HIVEP2: variants seen among roughly 807,000 people sequenced by gnomAD.
HIVEP2 encodes transcription factor HIVEP2.
HIVEP2 carries 14 observed loss-of-function variants against 180.7 expected under a neutral mutation model. The ratio of observed to expected loss-of-function variants is 0.08; its 90% CI spans 0.05 to 0.12. The LOEUF is 0.12. HIVEP2 is among the 10% of genes least tolerant of loss of function. The pLI, the probability that HIVEP2 is intolerant of heterozygous loss-of-function variation, is 1.00. For synonymous variants in HIVEP2, 1,184 were observed against 1,136.4 expected, an observed-to-expected ratio of 1.04 and a Z score of -0.84; for missense variants, 2,579 against 3,008.5, an observed-to-expected ratio of 0.86 and a Z score of 3.34.
At chr6:142,793,663 CTT>C (rs1554279279) in intron 2 of HIVEP2, among the ~76,000 whole-genome samples, 3 of 109,474 alleles carry the variant, frequency 2.7e-5, no homozygotes, top group Admixed American at 1.1e-4. Context: ...TTTCTTTTTT[CTT>C]TCTTTCTTTC....
intron 1 of HIVEP2, among the ~76,000 whole-genome samples, chr6:142,918,151 T>C (rs1051505744): frequency 1.3e-5 from 2 of 152,160 alleles, no homozygotes; most frequent in African/African-American, 4.8e-5. Context: ...TCAATACCTT[T>C]TTCCTTAAAC....
chr6:142,883,510 A>G (rs770817453), intron 1 of HIVEP2, among the ~76,000 whole-genome samples: 50 of 152,278 alleles, frequency 3.3e-4, no homozygotes, highest in Admixed American at 7.2e-4. Context: ...TAACCCTCCT[A>G]CATGTTTACT....
At chr6:142,934,028 A>G (rs1197734771) in intron 1 of HIVEP2, among the ~76,000 whole-genome samples, 3 of 152,242 alleles carry the variant, frequency 2.0e-5, no homozygotes. Context: ...AGATATTATA[A>G]CAAGCTGTGG....
intron 1 of HIVEP2, among the ~76,000 whole-genome samples, chr6:142,938,148 A>T (rs1245294456): frequency 6.6e-6 from 1 of 152,210 alleles, no homozygotes; most frequent in Admixed American, 6.5e-5. Context: ...AAGAGCTTCG[A>T]TGACTTGTTT....
chr6:142,814,740 T>C (rs1404199576), intron 2 of HIVEP2, among the ~76,000 whole-genome samples: 5 of 152,092 alleles, frequency 3.3e-5, no homozygotes, highest in Non-Finnish European at 5.9e-5. Context: ...GGGCTATTTA[T>C]GCAGAGATAT....
At position 142,922,172 on chromosome 6, in the gene HIVEP2, C is replaced by T. The variant is rs114367476; in HGVS notation, c.-641+22927G>A. ...ACTAAGCTCTTTAAAATTCCCCAAA[C>T]TCGCTATGCATTCTCAAACTCTCAC... On this transcript the variant is annotated intron_variant, in intron 1 of 9. Coordinates refer to ENST00000367603, the MANE Select transcript of HIVEP2 (RefSeq NM_006734.4). Among the ~76,000 whole-genome samples, 800 of 152,290 alleles carry T rather than the reference C, an allele frequency of 5.3e-3. 13 individuals carry two copies. The highest frequency in any genetic ancestry group is 0.019 in the African/African-American group (775 of 41,572).
At position 142,773,843 on chromosome 6, in the gene HIVEP2, G is replaced by A; in HGVS notation, c.896C>T (p.Pro299Leu). The part of the protein sequence containing the change: ...AEASDKMSPG[P>L]PIPLDIASRG... ...GCTGGCAATGTCCAGTGGGATGGGT[G>A]GACCAGGACTCATTTTGTCAGAAGC... The change falls in exon 5 of 10, where the codon CCA becomes CTA. Residue 299 changes from proline (P) to leucine (L), a missense_variant. By Grantham distance (98) the Pro-to-Leu change is moderately conservative (BLOSUM62 -3). Coordinates refer to ENST00000367603, the MANE Select transcript of HIVEP2 (RefSeq NM_006734.4). 1 of 1,613,570 alleles carries A rather than the reference G, an allele frequency of 6.2e-7. No homozygotes were observed. The highest frequency in any genetic ancestry group is 2.2e-5 in the East Asian group (1 of 44,874).
intron 3 of HIVEP2, among the ~76,000 whole-genome samples, chr6:142,783,066 C>A (rs1464000618): frequency 2.0e-5 from 3 of 151,980 alleles, no homozygotes; most frequent in Non-Finnish European, 1.5e-5. Flanking sequence ...GATTGGTGGG[C>A]TGGGTGCAGT....
At chr6:142,911,536 T>G (rs1425035505) in intron 1 of HIVEP2, among the ~76,000 whole-genome samples, 1 of 152,212 alleles carries the variant, frequency 6.6e-6, no homozygotes, top group Non-Finnish European at 1.5e-5. Context: ...GAGGTATTGT[T>G]ATCCCCAGAT....
At chr6:142,875,968 A>G (rs1776424278) in intron 1 of HIVEP2, among the ~76,000 whole-genome samples, 1 of 152,202 alleles carries the variant, frequency 6.6e-6, no homozygotes, top group Non-Finnish European at 1.5e-5. Context: ...TCTGCTAGAA[A>G]GAGAATTTAG....
At chr6:142,846,351 C>A (rs182908179) in intron 1 of HIVEP2, among the ~76,000 whole-genome samples, 58 of 152,286 alleles carry the variant, frequency 3.8e-4, no homozygotes, top group Admixed American at 2.5e-3. Context: ...ACAACGCAAG[C>A]TTAATGCACT....
Position 142,774,516 on chromosome 6 carries a change from C to T in HIVEP2, c.223G>A (p.Val75Met). 1 of 1,614,220 alleles carries T rather than the reference C, an allele frequency of 6.2e-7. No individual in the cohort carries two copies. Among genetic ancestry groups the T allele is most frequent in the East Asian group, 2.2e-5 (1 of 44,886 alleles). Residue 75 changes from valine to methionine, a missense_variant, in exon 5 of 10, where the codon GTG becomes ATG. Transcript: ENST00000367603. This position sits in a 1 kb window ranked among gnomAD's most constrained non-coding sequence, Gnocchi z 5.1. The stretch of plus-strand genomic sequence containing the variant: ...TGCTTCTCTGCGACTTGCTGCACCA[C>T]TTCACTAGGGGAGGCCAGTTTCCCA... ...GSGKLASPSE[V>M]VQQVAEKQYP...
At chr6:142,900,924 C>T (rs535692246) in intron 1 of HIVEP2, among the ~76,000 whole-genome samples, 24 of 152,262 alleles carry the variant, frequency 1.6e-4, no homozygotes, top group Admixed American at 2.0e-4. Context: ...CTTCGTGTTG[C>T]CATGGAGCTG....
chr6:142,828,843 G>T (rs1353120357), intron 2 of HIVEP2, among the ~76,000 whole-genome samples: 3 of 152,122 alleles, frequency 2.0e-5, no homozygotes, highest in African/African-American at 7.2e-5. Flanking sequence ...TTCCATAAAT[G>T]TTGGTTGATT....
chr6:142,824,652 C>T (rs532242206), intron 2 of HIVEP2, among the ~76,000 whole-genome samples: 1 of 152,310 alleles, frequency 6.6e-6, no homozygotes, highest in East Asian at 1.9e-4. Context: ...CAGAATCTCA[C>T]AAAGTTTATG....
intron 1 of HIVEP2, among the ~76,000 whole-genome samples, chr6:142,894,254 C>T (rs1317726136): frequency 7.2e-5 from 11 of 152,042 alleles, no homozygotes; most frequent in South Asian, 2.1e-4. Flanking sequence ...TATCAAGGGA[C>T]GATATATTAT....
chr6:142,884,250 T>C (rs2128418108), intron 1 of HIVEP2, among the ~76,000 whole-genome samples: 1 of 152,130 alleles, frequency 6.6e-6, no homozygotes, highest in South Asian at 2.1e-4. Context: ...AAGAAATTAA[T>C]TACAGTGACA....
intron 1 of HIVEP2, among the ~76,000 whole-genome samples, chr6:142,883,600 TC>T (rs920052700): frequency 1.4e-4 from 22 of 152,212 alleles, no homozygotes; most frequent in African/African-American, 5.1e-4. Context: ...TCTAATAACA[TC>T]CCTTACAACG....
intron 2 of HIVEP2, among the ~76,000 whole-genome samples, chr6:142,827,883 C>A (rs1319853040): frequency 1.3e-5 from 2 of 152,220 alleles, no homozygotes; most frequent in African/African-American, 4.8e-5. Flanking sequence ...CTTATATAAA[C>A]TTTGCCCATT....
Sources: gnomAD v4.1 joint callset for allele counts (sites outside exome capture counted in the v4.1 genomes callset) on GRCh38, gnomAD v4.1.1 for gene constraint, Gnocchi (gnomAD v3.1) non-coding constraint, MANE v1.5 for transcripts, NCBI Gene and HGNC (gene_info 2026-07-23, HGNC 2026-07-21) for gene names.